Variants in ARHGEF17 observed in about 807,000 individuals in gnomAD.
The protein encoded by ARHGEF17 is Rho guanine nucleotide exchange factor 17.
ARHGEF17 carries 80 observed loss-of-function variants against 174.0 expected under a neutral mutation model. The observed-to-expected ratio is 0.46, with a 90% CI of 0.38 to 0.55. The LOEUF (loss-of-function observed/expected upper bound fraction) is 0.55, where lower values mean the gene tolerates loss of function less well. Ranked by LOEUF, ARHGEF17 falls within the 20% of genes least tolerant of loss-of-function variation. ARHGEF17 has a pLI of 0.00. For synonymous variants in ARHGEF17, 1,311 were observed against 1,189.1 expected (o/e 1.10, Z -2.11); for missense variants, 2,886 against 2,839.7 (o/e 1.02, Z -0.37).
At chr11:73,347,675 A>G (rs752206839) in intron 2 of ARHGEF17, among the ~76,000 whole-genome samples, 13 of 152,180 alleles carry the variant, frequency 8.5e-5, no homozygotes, top group Admixed American at 2.6e-4. Context: ...CTAGAACACC[A>G]GTTGGAGGCA....
intron 20 of ARHGEF17, among the ~76,000 whole-genome samples, chr11:73,366,899 G>A (rs761827775): frequency 2.0e-5 from 3 of 152,194 alleles, no homozygotes; most frequent in Non-Finnish European, 2.9e-5. Context: ...AACTAGCTGG[G>A]TGTGGTGGCG....
intron 16 of ARHGEF17, 75 bp downstream of exon 16, chr11:73,363,908 T>C: frequency 6.9e-7 from 1 of 1,456,144 alleles, no homozygotes; most frequent in Non-Finnish European, 9.5e-7. Context: ...GTTCATCTGG[T>C]CCCCCTGCTC....
In ARHGEF17 at chr11:73,311,555, G is replaced by C; in HGVS notation, c.2917G>C (p.Glu973Gln). 1 of 1,613,606 alleles carries C rather than the reference G, an allele frequency of 6.2e-7. No homozygotes were observed. The highest frequency in any genetic ancestry group is 1.1e-5 in the South Asian group (1 of 91,086). The change falls in exon 1 of 21, where the codon GAG becomes CAG. Residue 973 changes from glutamate to glutamine, a missense_variant. By Grantham distance (29) the Glu-to-Gln change is conservative (BLOSUM62 2). Around this residue, in one of 4 missense-constraint regions of ARHGEF17, gnomAD observed 1,728 missense variants for 1,461.2 expected, o/e 1.18. Transcript: ENST00000263674. ...PATFMPIVVPEPPTSVGPPVA... is the reference protein window; with the variant it reads ...PATFMPIVVPQPPTSVGPPVA... The stretch of plus-strand genomic sequence containing the variant: ...CACATTTATGCCTATTGTGGTGCCT[G>C]AGCCACCAACTTCTGTTGGTCCCCC...
Position 73,358,521 on chromosome 11 carries a change from G to A in ARHGEF17, c.4087+1194G>A, listed in dbSNP as rs368228949. Among the ~76,000 whole-genome samples, 15 of 138,440 alleles carry A rather than the reference G, an allele frequency of 1.1e-4. No homozygotes were observed. In the South Asian group the frequency reaches 1.8e-3, roughly 17 times the overall value. 90.8% of individuals were successfully genotyped at this position (138,440 alleles called of 152,430 possible). A position where few individuals can be genotyped will look rare whatever the true frequency, so the allele number is the denominator to read the frequency against. On this transcript the variant is annotated intron_variant, in intron 9 of 20. Coordinates refer to ENST00000263674, the MANE Select transcript of ARHGEF17 (RefSeq NM_014786.4). ...TTGCCAAGCTGGAGTGCAGTGGCAC[G>A]ATCTCGGCTCACTGTAACCTCTGCC...
In ARHGEF17 at chr11:73,308,809, C is replaced by G; in HGVS notation, c.171C>G (p.Arg57=). 7.4e-7 allele frequency: 1 copy of G among 1,355,012 alleles called. No individual in the cohort carries two copies. The highest frequency in any genetic ancestry group is 9.4e-7 in the Non-Finnish European group (1 of 1,060,546). 83.9% of individuals were successfully genotyped at this position (1,355,012 alleles called of 1,614,324 possible). A position where few individuals can be genotyped will look rare whatever the true frequency, so the allele number is the denominator to read the frequency against. ...TTAARGQPSR[R]VSKLASGPLA... ...CTGCCCGGGGCCAGCCCTCTCGGCG[C>G]GTGTCCAAGCTGGCGTCTGGGCCCC... Residue 57 remains arginine (R), a synonymous_variant, in exon 1 of 21, where the codon CGC becomes CGG. Coordinates refer to ENST00000263674, the MANE Select transcript of ARHGEF17 (RefSeq NM_014786.4).
At position 73,356,582 on chromosome 11, in the gene ARHGEF17, A is replaced by G. The variant is rs1865645550; in HGVS notation, c.3841-127A>G. The G allele has an allele frequency of 4.6e-6, 6 of 1,310,584 alleles. No homozygotes were observed. In the South Asian group the frequency reaches 8.0e-5, roughly 18 times the overall value. The allele number at this position is 1,310,584 out of a possible 1,614,324, so 81.2% of individuals were successfully genotyped here. A position where few individuals can be genotyped will look rare whatever the true frequency, so the allele number is the denominator to read the frequency against. On this transcript the variant is annotated intron_variant, in intron 6 of 20. Coordinates refer to ENST00000263674, the MANE Select transcript of ARHGEF17 (RefSeq NM_014786.4). ...GTGGCCTGGCAGCACAAGGGCATTGAGGGTGGGAAGCATGCTGCTTCCATT... is the reference window on the plus strand; with the variant it reads ...GTGGCCTGGCAGCACAAGGGCATTGGGGGTGGGAAGCATGCTGCTTCCATT...
In ARHGEF17 at chr11:73,309,703, C is replaced by T. The variant is rs1054977283; in HGVS notation, c.1065C>T (p.Pro355=). Residue 355 remains proline, a synonymous_variant, in exon 1 of 21, where the codon CCC becomes CCT. Coordinates refer to ENST00000263674, the MANE Select transcript of ARHGEF17 (RefSeq NM_014786.4). ...GCTCTCCGCCCTGCGTCCCAGGTCC[C>T]CAGGAGGGACTTCGGCCTATGTCTG... ...GSGSPPCVPG[P]QEGLRPMSDS... 5.0e-6 allele frequency: 8 copies of T among 1,612,888 alleles called. No individual in the cohort carries two copies. The highest frequency in any genetic ancestry group is 5.9e-6 in the Non-Finnish European group (7 of 1,179,972).
chr11:73,329,359 ATATATATATATATATTTTT>A (rs1329753488), intron 1 of ARHGEF17, among the ~76,000 whole-genome samples: 11 of 2,698 alleles, frequency 4.1e-3, no homozygotes, highest in African/African-American at 0.011. Flanking sequence ...ATATATATAT[ATATATATATATATATTTTT>A]TTTTTTTTTT....
At chr11:73,332,144 T>G (rs1865214899) in intron 1 of ARHGEF17, among the ~76,000 whole-genome samples, 1 of 152,228 alleles carries the variant, frequency 6.6e-6, no homozygotes, top group Admixed American at 6.5e-5. Flanking sequence ...TTTGTTGAAC[T>G]CATGCTTTGT....
In ARHGEF17 at chr11:73,310,384, G is replaced by A. The variant is rs754243792; in HGVS notation, c.1746G>A (p.Pro582=). The A allele has an allele frequency of 5.6e-6, 9 of 1,613,778 alleles. No homozygotes were observed. Among genetic ancestry groups the A allele is most frequent in the Admixed American group, 1.7e-5 (1 of 60,012 alleles). Residue 582 remains proline, a synonymous_variant, in exon 1 of 21, where the codon CCG becomes CCA. Transcript: ENST00000263674. ...LLTGPGAEED[P]LPLIVQDQYV... Reference sequence around the variant, plus strand: ...CAGGCCCTGGTGCCGAGGAGGATCCGCTGCCCCTCATCGTCCAGGACCAAT... The same window carrying A: ...CAGGCCCTGGTGCCGAGGAGGATCCACTGCCCCTCATCGTCCAGGACCAAT...
chr11:73,336,041 A>G (rs1423230435), intron 1 of ARHGEF17, among the ~76,000 whole-genome samples: 2 of 152,194 alleles, frequency 1.3e-5, no homozygotes, highest in Admixed American at 6.5e-5. Flanking sequence ...CCAGCCATCC[A>G]TGGAAGAGAA....
chr11:73,358,268 G>A (rs1419772781), intron 9 of ARHGEF17, among the ~76,000 whole-genome samples: 5 of 152,140 alleles, frequency 3.3e-5, no homozygotes, highest in African/African-American at 9.7e-5. Flanking sequence ...ATTGCTCACC[G>A]TTGAGGAGGC....
Position 73,309,925 on chromosome 11 carries a change from G to A in ARHGEF17, c.1287G>A (p.Arg429=), listed in dbSNP as rs1318055151. 1 of 1,613,466 alleles carries A rather than the reference G, an allele frequency of 6.2e-7. No homozygotes were observed. The highest frequency in any genetic ancestry group is 2.2e-5 in the East Asian group (1 of 44,874). Residue 429 remains arginine, a synonymous_variant, in exon 1 of 21, where the codon CGG becomes CGA. Coordinates refer to ENST00000263674, the MANE Select transcript of ARHGEF17 (RefSeq NM_014786.4). ...TTGGAGCTGGGGAAGGGCTCCTGCG[G>A]TCCCAGGCTCGAACCCGTGCCAAAG... is the stretch of plus-strand genomic sequence containing the variant. ...PSFGAGEGLL[R]SQARTRAKGP...
intron 1 of ARHGEF17, among the ~76,000 whole-genome samples, chr11:73,325,095 G>A (rs907892854): frequency 1.3e-5 from 2 of 152,132 alleles, no homozygotes; most frequent in African/African-American, 2.4e-5. Flanking sequence ...GTGCAGTCCC[G>A]TTTGCAGTAT....
At position 73,309,963 on chromosome 11, in the gene ARHGEF17, C is replaced by G; in HGVS notation, c.1325C>G (p.Thr442Ser). ...ARTRAKGPGG[T>S]SRALRDGGFE... is the part of the protein sequence containing the mutation. The stretch of plus-strand genomic sequence containing the variant: ...ACCCGTGCCAAAGGACCTGGAGGCA[C>G]CTCTAGGGCATTGAGGGATGGAGGA... Residue 442 changes from threonine to serine, a missense_variant, in exon 1 of 21, where the codon ACC becomes AGC. Thr to Ser is a moderately conservative substitution (Grantham distance 58). Around this residue, in one of 4 missense-constraint regions of ARHGEF17, gnomAD observed 1,728 missense variants for 1,461.2 expected, o/e 1.18. Transcript: ENST00000263674. 1 of 1,613,936 alleles carries G rather than the reference C, an allele frequency of 6.2e-7. No individual in the cohort carries two copies. The highest frequency in any genetic ancestry group is 2.2e-5 in the East Asian group (1 of 44,880).
At chr11:73,337,164 G>A (rs1423906316) in intron 1 of ARHGEF17, among the ~76,000 whole-genome samples, 2 of 152,154 alleles carry the variant, frequency 1.3e-5, no homozygotes, top group Non-Finnish European at 2.9e-5. Context: ...AGTGGCTCGC[G>A]CCTATAATCC....
intron 1 of ARHGEF17, among the ~76,000 whole-genome samples, chr11:73,323,228 G>A (rs1159153083): frequency 6.6e-6 from 1 of 152,180 alleles, no homozygotes; most frequent in Non-Finnish European, 1.5e-5. Flanking sequence ...GCATGGAAGG[G>A]AATGAAAGAG....
chr11:73,351,552 C>T (rs1005608732), intron 2 of ARHGEF17, among the ~76,000 whole-genome samples: 13 of 152,270 alleles, frequency 8.5e-5, no homozygotes, highest in Admixed American at 3.9e-4. Flanking sequence ...CATGTGGTCT[C>T]ATGATCTCCC....
chr11:73,368,679 CTG>C lies in ARHGEF17; in HGVS notation c.*900_*901del, dbSNP rs1230619834. ...GCCCTGCTTCCCTGTGTCTCATGCA[CTG>C]GCACATATGGTCACCTTGGAGGGCA... On this transcript the variant is annotated 3_prime_UTR_variant, in exon 21 of 21. Transcript: ENST00000263674. 6.6e-6 allele frequency: 1 copy of C among 152,604 alleles called. No individual in the cohort carries two copies. Among genetic ancestry groups the C allele is most frequent in the African/African-American group, 2.4e-5 (1 of 41,452 alleles). The allele number at this position is 152,604 out of a possible 1,614,324, so 9.5% of individuals were successfully genotyped here.
Sources: gnomAD v4.1 joint callset for allele counts (sites outside exome capture counted in the v4.1 genomes callset) on GRCh38, gnomAD v4.1.1 for gene constraint, gnomAD v4.1.1 regional missense constraint, MANE v1.5 for transcripts, NCBI Gene and HGNC (gene_info 2026-07-23, HGNC 2026-07-21) for gene names.